Variants in TPCN2 observed in about 807,000 individuals in gnomAD.
The protein encoded by TPCN2 is two pore channel protein 2.
Under a neutral mutation model 111.4 loss-of-function variants are expected in TPCN2, and 92 were observed. The ratio of observed to expected loss-of-function variants is 0.83; its 90% CI spans 0.70 to 0.98. TPCN2 has a LOEUF of 0.98. Among genes scored for constraint, TPCN2 ranks in the 50% least tolerant of loss-of-function variants. The pLI, the probability that TPCN2 is intolerant of heterozygous loss-of-function variation, is 0.00. For missense variants in TPCN2, 995 were observed against 980.1 expected, an observed-to-expected ratio of 1.02 and a Z score of -0.20; for synonymous variants, 405 against 414.5, an observed-to-expected ratio of 0.98 and a Z score of 0.28.
chr11:69,075,943 A>G (rs548861336), intron 13 of TPCN2, among the ~76,000 whole-genome samples: 2 of 152,348 alleles, frequency 1.3e-5, no homozygotes, highest in South Asian at 2.1e-4. Context: ...TCTCAGTTAC[A>G]CAGCTAACAT....
chr11:69,073,863 C>G (rs555812437), intron 13 of TPCN2, among the ~76,000 whole-genome samples: 1 of 152,272 alleles, frequency 6.6e-6, no homozygotes, highest in South Asian at 2.1e-4. Flanking sequence ...TGTGTCCTCA[C>G]CTGAGGCCTC....
rs1856398622 is a variant in TPCN2 at position 69,090,521 on chromosome 11, C to T, written c.*2568C>T. Reference sequence around the variant, plus strand: ...TTGTCACTGTCAGGGCCTTTACAATCAGCAACAGCAAAATCTACATGCTGC... The same window carrying T: ...TTGTCACTGTCAGGGCCTTTACAATTAGCAACAGCAAAATCTACATGCTGC... On this transcript the variant is annotated 3_prime_UTR_variant, in exon 25 of 25. Transcript: ENST00000294309. 6.6e-6 allele frequency: 1 copy of T among 152,218 alleles called. No homozygotes were observed. The highest frequency in any genetic ancestry group is 1.5e-5 in the Non-Finnish European group (1 of 68,040). 9.4% of individuals were successfully genotyped at this position (152,218 alleles called of 1,614,324 possible).
At position 69,070,501 on chromosome 11, in the gene TPCN2, T is replaced by C; in HGVS notation, c.895+6T>C. ...CATAGTCTTCACTGTGATAGGTGAG[T>C]GCAGGTAACGTGGCCAGCATTTTGT... On this transcript the variant is annotated splice_donor_region_variant and intron_variant, in intron 9 of 24. Coordinates refer to ENST00000294309, the MANE Select transcript of TPCN2 (RefSeq NM_139075.4). 4 of 1,598,794 alleles carry C rather than the reference T, an allele frequency of 2.5e-6. No homozygotes were observed. The highest frequency in any genetic ancestry group is 3.4e-6 in the Non-Finnish European group (4 of 1,173,584).
intron 7 of TPCN2, among the ~76,000 whole-genome samples, chr11:69,067,132 C>T (rs1377151537): frequency 1.3e-5 from 2 of 152,238 alleles, no homozygotes; most frequent in African/African-American, 4.8e-5. Context: ...CCCTCTGCTC[C>T]TCCTGCCCCT....
At position 69,062,979 on chromosome 11, in the gene TPCN2, G is replaced by A. The variant is rs576860218; in HGVS notation, c.642G>A (p.Pro214=). 2.8e-5 allele frequency: 45 copies of A among 1,613,878 alleles called. No individual in the cohort carries two copies. The South Asian group carries it at 4.4e-4, about 16-fold the overall frequency. Residue 214 remains proline, a synonymous_variant, in exon 6 of 25, where the codon CCG becomes CCA. Coordinates refer to ENST00000294309, the MANE Select transcript of TPCN2 (RefSeq NM_139075.4). The stretch of plus-strand genomic sequence containing the variant: ...TGAAATGCATCCGCTGGTCGCTGCC[G>A]GAAATGGCCAGGTGGGCTCTTGGTG... ...KTLKCIRWSL[P]EMASVGLLLA... is the part of the protein sequence containing the mutation.
chr11:69,087,088 C>T (rs748162016), intron 23 of TPCN2, 24 bp from the exon 24 acceptor site: 1 of 1,605,778 alleles, frequency 6.2e-7, no homozygotes, highest in South Asian at 1.1e-5. Context: ...CCCACACTCA[C>T]TGGCCACTCC....
rs1374439293 is a variant in TPCN2 at position 69,049,058 on chromosome 11, G to A, written c.61G>A (p.Asp21Asn). 7 of 1,242,484 alleles carry A rather than the reference G, an allele frequency of 5.6e-6. No individual in the cohort carries two copies. Among genetic ancestry groups the A allele is most frequent in the African/African-American group, 3.1e-5 (2 of 64,430 alleles). 77.0% of individuals were successfully genotyped at this position (1,242,484 alleles called of 1,614,324 possible). The change falls in exon 1 of 25, where the codon GAC becomes AAC. Residue 21 changes from aspartate to asparagine, a missense_variant. Transcript: ENST00000294309. ...GGGCGGGGCCCGCGGCGGTGGCGGCGACTGGCCGGCGGGGCTGACCACTTA... is the reference window on the plus strand; with the variant it reads ...GGGCGGGGCCCGCGGCGGTGGCGGCAACTGGCCGGCGGGGCTGACCACTTA... ...LLGGARGGGG[D>N]WPAGLTTYRS...
intron 13 of TPCN2, among the ~76,000 whole-genome samples, chr11:69,074,076 T>TA (rs1169715612): frequency 6.6e-6 from 1 of 152,242 alleles, no homozygotes; most frequent in Admixed American, 6.5e-5. Flanking sequence ...AGGTTAAAGA[T>TA]ACGAATTTCG....
chr11:69,070,452 G>T lies in TPCN2; in HGVS notation c.852G>T (p.Lys284Asn). ...NPDVMIPAYSKNRAYAIFFIV... is the reference protein window; with the variant it reads ...NPDVMIPAYSNNRAYAIFFIV... ...TAGTGATGATTCCTGCGTATTCCAA[G>T]AACCGGGCCTATGCCATCTTCTTCA... The change falls in exon 9 of 25, where the codon AAG becomes AAT. Residue 284 changes from lysine to asparagine, a missense_variant. By Grantham distance (94) the Lys-to-Asn change is moderately conservative. Transcript: ENST00000294309. 6.2e-7 allele frequency: 1 copy of T among 1,612,742 alleles called. No individual in the cohort carries two copies. Among genetic ancestry groups the T allele is most frequent in the Non-Finnish European group, 8.5e-7 (1 of 1,179,556 alleles).
At chr11:69,066,258 T>C (rs10896409) in intron 7 of TPCN2, among the ~76,000 whole-genome samples, 141,801 of 152,150 alleles carry the variant, frequency 0.93, 66,657 homozygotes, top group Non-Finnish European at 1. Context: ...CCCCGGTGAC[T>C]GCTGGAGGCC....
chr11:69,073,341 C>T (rs909731883), intron 13 of TPCN2, among the ~76,000 whole-genome samples: 3 of 152,248 alleles, frequency 2.0e-5, no homozygotes, highest in African/African-American at 7.2e-5. Flanking sequence ...TTGCCTTTCA[C>T]CCTTGACACT....
chr11:69,057,770 G>A, intron 5 of TPCN2, 76 bp downstream of exon 5: 1 of 1,395,794 alleles, frequency 7.2e-7, no homozygotes, highest in East Asian at 2.3e-5. Flanking sequence ...GGGGGTGCTG[G>A]GATGGAGCCC....
At chr11:69,062,059 GTGCTGGCGTC>G (rs1855045296) in intron 5 of TPCN2, among the ~76,000 whole-genome samples, 1 of 152,120 alleles carries the variant, frequency 6.6e-6, no homozygotes, top group African/African-American at 2.4e-5. Context: ...GGGAAGCATG[GTGCTGGCGTC>G]TGCTTCTGAT....
At chr11:69,049,616 T>G (rs1861124177) in intron 1 of TPCN2, among the ~76,000 whole-genome samples, 1 of 151,874 alleles carries the variant, frequency 6.6e-6, no homozygotes. Context: ...TCGAACCAGT[T>G]GGGAGCTAGG....
At chr11:69,087,590 C>T (rs912603265) in intron 24 of TPCN2, among the ~76,000 whole-genome samples, 13 of 152,178 alleles carry the variant, frequency 8.5e-5, no homozygotes, top group African/African-American at 3.1e-4. Flanking sequence ...GGCAGCCCTG[C>T]TGTGGGGCCT....
chr11:69,085,343 G>GGGGGT, intron 20 of TPCN2, 57 bp downstream of exon 20: 6 of 581,870 alleles, frequency 1.0e-5, no homozygotes, highest in East Asian at 4.3e-5. Flanking sequence ...GGGTGGGCGG[G>GGGGGT]AAGCCTTGGC....
rs992611190 is a variant in TPCN2 at position 69,072,979 on chromosome 11, T to C, written c.1208T>C (p.Leu403Pro). The change falls in exon 13 of 25, where the codon CTT becomes CCT. Residue 403 changes from leucine to proline, a missense_variant. Physicochemically the swap from Leu to Pro is moderately conservative, Grantham distance 98 (BLOSUM62 -3). Coordinates refer to ENST00000294309, the MANE Select transcript of TPCN2 (RefSeq NM_139075.4). ...GAGTTTCAGAAGCTCTTCAACGAGC[T>C]TGACAGAAGTGTGGTTAAAGAGGTA... The part of the protein sequence containing the change: ...AEEFQKLFNE[L>P]DRSVVKEHPP... 4 of 1,613,722 alleles carry C rather than the reference T, an allele frequency of 2.5e-6. No homozygotes were observed. The Admixed American group carries it at 6.7e-5, about 27-fold the overall frequency.
rs79094004 is a variant in TPCN2, at chr11:69,069,083, G to C, written c.830-1347G>C. On this transcript the variant is annotated intron_variant, in intron 8 of 24. Coordinates refer to ENST00000294309, the MANE Select transcript of TPCN2 (RefSeq NM_139075.4). Reference sequence around the variant, plus strand: ...GTCTGAGTCCTAGGAAGTGACCACAGGGGGAGCAGGACTATCTGAGTCCTA... The same window carrying C: ...GTCTGAGTCCTAGGAAGTGACCACACGGGGAGCAGGACTATCTGAGTCCTA... 4.6e-3 allele frequency among the ~76,000 whole-genome samples: 247 copies of C among 53,842 alleles called. 9 individuals carry two copies. Among genetic ancestry groups the C allele is most frequent in the Middle Eastern group, 0.012 (1 of 84 alleles). The allele number at this position is 53,842 out of a possible 152,430, so 35.3% of individuals were successfully genotyped here. A position where few individuals can be genotyped will look rare whatever the true frequency, so the allele number is the denominator to read the frequency against.
chr11:69,073,609 C>T (rs1488744369), intron 13 of TPCN2, among the ~76,000 whole-genome samples: 1 of 152,238 alleles, frequency 6.6e-6, no homozygotes, highest in Non-Finnish European at 1.5e-5. Context: ...TGGGACGGCA[C>T]CACAGACTGG....
Sources: gnomAD v4.1 joint callset for allele counts (sites outside exome capture counted in the v4.1 genomes callset) on GRCh38, gnomAD v4.1.1 for gene constraint, MANE v1.5 for transcripts, NCBI Gene and HGNC (gene_info 2026-07-23, HGNC 2026-07-21) for gene names.